SOX5: variants seen among roughly 807,000 people sequenced by gnomAD.
SOX5 encodes SRY-box transcription factor 5, also known as transcription factor SOX-5.
SOX5 carries 9 observed loss-of-function variants against 92.0 expected under a neutral mutation model. The observed-to-expected ratio is 0.10, with a 90% CI of 0.06 to 0.17. The LOEUF is 0.17. Ranked by LOEUF, SOX5 falls within the 10% of genes least tolerant of loss-of-function variation. The pLI, the probability that SOX5 is intolerant of heterozygous loss-of-function variation, is 1.00. For missense variants in SOX5, 642 were observed against 944.5 expected, an observed-to-expected ratio of 0.68 and a Z score of 4.20; for synonymous variants, 344 against 336.3, an observed-to-expected ratio of 1.02 and a Z score of -0.25.
chr12:23,716,674 G>C (rs1267510958), intron 6 of SOX5, among the ~76,000 whole-genome samples: 3 of 152,102 alleles, frequency 2.0e-5, no homozygotes, highest in Admixed American at 2.0e-4. Flanking sequence ...GTATGTTCTG[G>C]TTCTCTTATA....
intron 1 of SOX5, among the ~76,000 whole-genome samples, chr12:24,425,396 G>T (rs576083163): frequency 6.6e-6 from 1 of 152,280 alleles, no homozygotes; most frequent in South Asian, 2.1e-4. Context: ...AACTTCGACA[G>T]GCATCAGATG....
At chr12:24,430,550 A>G (rs1380666946) in intron 1 of SOX5, among the ~76,000 whole-genome samples, 1 of 152,068 alleles carries the variant, frequency 6.6e-6, no homozygotes, top group Non-Finnish European at 1.5e-5. Flanking sequence ...AACCACACAC[A>G]CACATAAATG....
chr12:23,542,889 C>T (rs1942389768), intron 13 of SOX5, among the ~76,000 whole-genome samples: 2 of 152,142 alleles, frequency 1.3e-5, no homozygotes. Context: ...TACAAATGAT[C>T]AGTAGCAATA....
chr12:24,558,370 G>A lies in SOX5; in HGVS notation c.-251+3959C>T, dbSNP rs147701443. Among the ~76,000 whole-genome samples, 51 of 152,174 alleles carry A rather than the reference G, an allele frequency of 3.4e-4. No homozygotes were observed. The South Asian group carries it at 9.1e-3, about 27-fold the overall frequency. On this transcript the variant is annotated intron_variant, in intron 1 of 4. Transcript: ENST00000446891. The stretch of plus-strand genomic sequence containing the variant: ...AGGGCTTTGGAGGAAACAACCCCCC[G>A]CGAAATTCCGCTAACTCATAGTTAG...
intron 1 of SOX5, among the ~76,000 whole-genome samples, chr12:24,486,191 C>A (rs1027883698): frequency 2.0e-5 from 3 of 152,182 alleles, no homozygotes; most frequent in South Asian, 4.1e-4. Context: ...CCCACCTTGG[C>A]TTCCCAAAGT....
At chr12:24,240,793 C>A (rs190044572) in intron 3 of SOX5, among the ~76,000 whole-genome samples, 99 of 152,294 alleles carry the variant, frequency 6.5e-4, no homozygotes, top group Non-Finnish European at 9.4e-4. Context: ...CAAACAATAT[C>A]TACGGTGAAC....
chr12:24,417,172 G>A (rs895607018), intron 1 of SOX5, among the ~76,000 whole-genome samples: 3 of 152,308 alleles, frequency 2.0e-5, no homozygotes, highest in East Asian at 1.9e-4. Flanking sequence ...AGGTAAGAAC[G>A]CAAAGCTACG....
At chr12:24,494,159 T>C (rs1236078887) in intron 1 of SOX5, among the ~76,000 whole-genome samples, 1 of 152,154 alleles carries the variant, frequency 6.6e-6, no homozygotes, top group East Asian at 1.9e-4. Context: ...AACATATACA[T>C]AGGGTGTCTA....
At chr12:24,261,863 C>A (rs749998492) in intron 3 of SOX5, among the ~76,000 whole-genome samples, 35 of 152,124 alleles carry the variant, frequency 2.3e-4, no homozygotes, top group Admixed American at 9.2e-4. Flanking sequence ...CCATCCCAAG[C>A]CTGTGAAACC....
At chr12:24,282,447 T>C (rs1052573415) in intron 2 of SOX5, among the ~76,000 whole-genome samples, 1 of 150,960 alleles carries the variant, frequency 6.6e-6, no homozygotes, top group African/African-American at 2.4e-5. Flanking sequence ...ATCTACAAAA[T>C]GTTTAAAATA....
intron 3 of SOX5, among the ~76,000 whole-genome samples, chr12:24,242,625 A>G (rs546128919): frequency 6.6e-6 from 1 of 152,124 alleles, no homozygotes; most frequent in Non-Finnish European, 1.5e-5. Context: ...AAAGAAATGC[A>G]AATGAAAACT....
chr12:23,847,861 C>T (rs549298977), intron 2 of SOX5, among the ~76,000 whole-genome samples: 17 of 152,176 alleles, frequency 1.1e-4, no homozygotes, highest in African/African-American at 2.9e-4. Flanking sequence ...CAATTACAAA[C>T]TCCCGCACGT....
At chr12:23,697,438 T>C (rs1054422919) in intron 6 of SOX5, among the ~76,000 whole-genome samples, 3 of 152,232 alleles carry the variant, frequency 2.0e-5, no homozygotes, top group African/African-American at 7.2e-5. Flanking sequence ...TGTTTCTTTA[T>C]ACTGAAAGTG....
chr12:24,289,009 A>G (rs1225402115), intron 2 of SOX5, among the ~76,000 whole-genome samples: 1 of 152,194 alleles, frequency 6.6e-6, no homozygotes, highest in Non-Finnish European at 1.5e-5. Context: ...TAGAAACTTA[A>G]ACTTTTTCTT....
chr12:23,828,440 A>C (rs1360380100), intron 3 of SOX5, among the ~76,000 whole-genome samples: 1 of 152,216 alleles, frequency 6.6e-6, no homozygotes, highest in Non-Finnish European at 1.5e-5. Context: ...AATAACACAC[A>C]TGAATTGGGA....
intron 1 of SOX5, among the ~76,000 whole-genome samples, chr12:24,495,823 C>G (rs4130466): frequency 6.6e-6 from 1 of 152,046 alleles, no homozygotes; most frequent in Non-Finnish European, 1.5e-5. Context: ...GGGTGTGGTA[C>G]GCAAGGAATG....
chr12:24,203,246 G>A (rs1267794622), intron 4 of SOX5, among the ~76,000 whole-genome samples: 2 of 152,146 alleles, frequency 1.3e-5, no homozygotes, highest in Non-Finnish European at 2.9e-5. Context: ...GGTGGATCCT[G>A]CGTTATTTCA....
intron 1 of SOX5, among the ~76,000 whole-genome samples, chr12:23,909,954 T>C (rs2097334124): frequency 1.3e-5 from 2 of 152,070 alleles, no homozygotes; most frequent in African/African-American, 4.8e-5. Context: ...TTTTGTTTTT[T>C]GTTTTTTGCT....
At chr12:23,928,268 A>G (rs1940517171) in intron 1 of SOX5, among the ~76,000 whole-genome samples, 1 of 152,108 alleles carries the variant, frequency 6.6e-6, no homozygotes, top group Non-Finnish European at 1.5e-5. Context: ...CAGAGATTCA[A>G]CATCCATTAG....
Sources: gnomAD v4.1 joint callset for allele counts (sites outside exome capture counted in the v4.1 genomes callset) on GRCh38, gnomAD v4.1.1 for gene constraint, MANE v1.5 for transcripts, NCBI Gene and HGNC (gene_info 2026-07-23, HGNC 2026-07-21) for gene names.